The following TIMM44 variants were observed in gnomAD, a reference collection of about 807,000 sequenced individuals.
The protein encoded by TIMM44 is translocase of inner mitochondrial membrane 44.
A neutral mutation model predicts 63.8 loss-of-function variants in TIMM44; 37 were observed. That is an observed-to-expected ratio of 0.58 (90% CI 0.45 to 0.76). The LOEUF (loss-of-function observed/expected upper bound fraction) is 0.76, where lower values mean the gene tolerates loss of function less well. Among genes scored for constraint, TIMM44 ranks in the 30% least tolerant of loss-of-function variants. The pLI is 0.00. For missense variants in TIMM44, 573 were observed against 603.8 expected (o/e 0.95, Z 0.54); for synonymous variants, 239 against 245.1 (o/e 0.98, Z 0.23).
At chr19:7,935,558 C>T (rs983235428) in intron 3 of TIMM44, among the ~76,000 whole-genome samples, 1 of 152,232 alleles carries the variant, frequency 6.6e-6, no homozygotes, top group Non-Finnish European at 1.5e-5. Context: ...GCAGCCCCTC[C>T]CTCCCCGCAC....
At chr19:7,938,312 T>C in intron 2 of TIMM44, 115 bp from the exon 3 acceptor site, 1 of 755,894 alleles carries the variant, frequency 1.3e-6, no homozygotes, top group South Asian at 1.8e-5. Flanking sequence ...TTGATATACA[T>C]TTAATGATGA....
intron 1 of TIMM44, among the ~76,000 whole-genome samples, chr19:7,941,892 T>C (rs1984322155): frequency 6.6e-6 from 1 of 152,154 alleles, no homozygotes; most frequent in African/African-American, 2.4e-5. Flanking sequence ...TCTGCCAGCC[T>C]CCAAAGATGA....
In TIMM44 at chr19:7,932,767, C is replaced by A. The variant is rs200323731; in HGVS notation, c.863-16G>T. On this transcript the variant is annotated splice_polypyrimidine_tract_variant and intron_variant, in intron 8 of 12. Transcript: ENST00000270538. ...AACAGGCCCCCTGCAGGGAGCAGAG[C>A]CGGGAGTTCGGGGGGAAGGCCGGGG... 3.1e-6 allele frequency: 5 copies of A among 1,614,072 alleles called. No homozygotes were observed. Among genetic ancestry groups the A allele is most frequent in the East Asian group, 2.2e-5 (1 of 44,886 alleles).
chr19:7,943,659 A>T lies in TIMM44; in HGVS notation c.-8T>A, dbSNP rs1210975954. The T allele has an allele frequency of 6.4e-7, 1 of 1,561,650 alleles. No individual in the cohort carries two copies. The highest frequency in any genetic ancestry group is 1.8e-5 in the Admixed American group (1 of 54,748). ...CAGGGCCGCCGCCGCCATGTTGGAG[A>T]ATCGTGTGACCTTCTCGCGGCGCGG... On this transcript the variant is annotated 5_prime_UTR_variant, in exon 1 of 13. Coordinates refer to ENST00000270538, the MANE Select transcript of TIMM44 (RefSeq NM_006351.4). The surrounding 1 kb of genome is among the most constrained non-coding windows in gnomAD (Gnocchi z 4.3).
chr19:7,930,436 G>A (rs1255493524), intron 10 of TIMM44, among the ~76,000 whole-genome samples: 1 of 150,816 alleles, frequency 6.6e-6, no homozygotes, highest in Non-Finnish European at 1.5e-5. Context: ...AGCCTCCCCA[G>A]TAGCTGGGAT....
In TIMM44 at chr19:7,934,063, A is replaced by G; in HGVS notation, c.543+26T>C. On this transcript the variant is annotated intron_variant, in intron 5 of 12. Coordinates refer to ENST00000270538, the MANE Select transcript of TIMM44 (RefSeq NM_006351.4). The surrounding 1 kb of genome is among the most constrained non-coding windows in gnomAD (Gnocchi z 5.3). ...TCTGGGTTCGGCCGCCCCAGGCTGC[A>G]TGCCCTAGCCCAGGACTGGGCTCAC... 1 of 1,613,286 alleles carries G rather than the reference A, an allele frequency of 6.2e-7. No homozygotes were observed. Among genetic ancestry groups the G allele is most frequent in the East Asian group, 2.2e-5 (1 of 44,856 alleles).
rs977502918 is a variant in TIMM44, at chr19:7,934,754, C to T, written c.393+311G>A. On this transcript the variant is annotated intron_variant, in intron 4 of 12. Transcript: ENST00000270538. The surrounding 1 kb of genome is among the most constrained non-coding windows in gnomAD (Gnocchi z 5.3). ...GAATCCTGCCTCCCGCCTCTACCCT[C>T]GGGAGGGGGTGGAAGCGGCCCCTCT... 6.6e-6 allele frequency among the ~76,000 whole-genome samples: 1 copy of T among 152,180 alleles called. No individual in the cohort carries two copies. Among genetic ancestry groups the T allele is most frequent in the Admixed American group, 6.5e-5 (1 of 15,280 alleles).
chr19:7,931,146 A>G lies in TIMM44; in HGVS notation c.1030T>C (p.Tyr344His), dbSNP rs1279995743. 13 of 1,613,722 alleles carry G rather than the reference A, an allele frequency of 8.1e-6. No homozygotes were observed. Among genetic ancestry groups the G allele is most frequent in the Non-Finnish European group, 1.1e-5 (13 of 1,179,898 alleles). The change falls in exon 10 of 13, where the codon TAT becomes CAT. Residue 344 changes from tyrosine to histidine, a missense_variant. By Grantham distance (83) the Tyr-to-His change is moderately conservative. Transcript: ENST00000270538. ...AGAAAGGAAGTACTCACAGCTTCAT[A>G]GCACCAGTCTTTGAGAATGTCAAGC... is the stretch of plus-strand genomic sequence containing the variant. ...GELDILKDWC[Y>H]EATYSQLAHP... is the part of the protein sequence containing the mutation.
intron 10 of TIMM44, among the ~76,000 whole-genome samples, chr19:7,930,333 G>T (rs1599646672): frequency 8.6e-6 from 1 of 116,098 alleles, no homozygotes; most frequent in African/African-American, 3.4e-5. Flanking sequence ...TTTGGAGACA[G>T]AATCTTGCTC....
intron 1 of TIMM44, among the ~76,000 whole-genome samples, chr19:7,941,479 G>T (rs575264233): frequency 2.4e-4 from 37 of 151,862 alleles, no homozygotes; most frequent in Non-Finnish European, 4.3e-4. Flanking sequence ...GGAGAGAAGC[G>T]GTTTTGCCAT....
chr19:7,939,146 T>C (rs1470637927), intron 2 of TIMM44, among the ~76,000 whole-genome samples: 1 of 151,996 alleles, frequency 6.6e-6, no homozygotes, highest in Non-Finnish European at 1.5e-5. Context: ...ATGCATTTAT[T>C]AATAATAATG....
At chr19:7,931,111 A>C (rs1983969549) in intron 10 of TIMM44, 27 bp downstream of exon 10, 1 of 1,608,388 alleles carries the variant, frequency 6.2e-7, no homozygotes, top group Non-Finnish European at 8.5e-7. Flanking sequence ...TTAAAAAAAA[A>C]AAAAGAAAAA....
Position 7,933,601 on chromosome 19 carries a change from G to A in TIMM44, c.684-31C>T, listed in dbSNP as rs367880096. Reference sequence around the variant, plus strand: ...GAAGAGGGTGGGCCCTGGGGTGAGCGGCGGCGCCAGGGCCACCCTGTGCCC... The same window carrying A: ...GAAGAGGGTGGGCCCTGGGGTGAGCAGCGGCGCCAGGGCCACCCTGTGCCC... On this transcript the variant is annotated intron_variant, in intron 6 of 12. Transcript: ENST00000270538. The surrounding 1 kb of genome is among the most constrained non-coding windows in gnomAD (Gnocchi z 4.3). 68 of 1,592,300 alleles carry A rather than the reference G, an allele frequency of 4.3e-5. No individual in the cohort carries two copies. The highest frequency in any genetic ancestry group is 3.4e-4 in the East Asian group (15 of 44,716).
At position 7,940,560 on chromosome 19, in the gene TIMM44, C is replaced by T. The variant is rs540096393; in HGVS notation, c.141+542G>A. 4.6e-5 allele frequency among the ~76,000 whole-genome samples: 7 copies of T among 152,106 alleles called. No individual in the cohort carries two copies. In the East Asian group the frequency reaches 1.4e-3, roughly 30 times the overall value. On this transcript the variant is annotated intron_variant, in intron 2 of 12. Transcript: ENST00000270538. ...GAGGCAGCTGAGCTGAGGCTCTGGG[C>T]GCAGAGAGAGAGGGAGACAGAATGT...
chr19:7,927,478 G>T, intron 12 of TIMM44, 172 bp from the exon 13 acceptor site: 1 of 1,032,308 alleles, frequency 9.7e-7, no homozygotes, highest in Non-Finnish European at 1.5e-6. Flanking sequence ...GGTAAAAACA[G>T]ACAGGTCTGC....
At chr19:7,942,434 T>TGG (rs59752555) in intron 1 of TIMM44, among the ~76,000 whole-genome samples, 1 of 150,370 alleles carries the variant, frequency 6.7e-6, no homozygotes, top group African/African-American at 2.5e-5. Flanking sequence ...CATAAAAAAT[T>TGG]GGGGGAAAAA....
In TIMM44 at chr19:7,938,259, CCA is replaced by C. The variant is rs1984212582; in HGVS notation, c.142-64_142-63del. The C allele has an allele frequency of 5.1e-6, 7 of 1,363,202 alleles. 1 individual carries two copies. The highest frequency in any genetic ancestry group is 6.1e-6 in the Non-Finnish European group (6 of 989,760). 84.4% of individuals were successfully genotyped at this position (1,363,202 alleles called of 1,614,324 possible). ...ATAGTAGAACATAGAATGAAATGCC[CCA>C]CAGAGGGACTCAGGGATTTTTTTAA... On this transcript the variant is annotated intron_variant, in intron 2 of 12. Coordinates refer to ENST00000270538, the MANE Select transcript of TIMM44 (RefSeq NM_006351.4).
At chr19:7,941,707 G>A (rs1028516485) in intron 1 of TIMM44, among the ~76,000 whole-genome samples, 3 of 151,922 alleles carry the variant, frequency 2.0e-5, no homozygotes, top group Non-Finnish European at 2.9e-5. Context: ...GTACCTCCAG[G>A]GCCTACATCT....
rs1010348106 is a variant in TIMM44, at chr19:7,933,371, C to T, written c.769+114G>A. The stretch of plus-strand genomic sequence containing the variant: ...AGAAGTGACCGGCCCACTCTGACCC[C>T]GATCTCCTCCTCTGCAAAACGGGGC... On this transcript the variant is annotated intron_variant, in intron 7 of 12. Transcript: ENST00000270538. The surrounding 1 kb of genome is among the most constrained non-coding windows in gnomAD (Gnocchi z 4.3). 10 of 960,808 alleles carry T rather than the reference C, an allele frequency of 1.0e-5. No individual in the cohort carries two copies. Among genetic ancestry groups the T allele is most frequent in the Admixed American group, 3.4e-5 (2 of 59,206 alleles). The allele number at this position is 960,808 out of a possible 1,614,324, so 59.5% of individuals were successfully genotyped here.
Sources: gnomAD v4.1 joint callset for allele counts (sites outside exome capture counted in the v4.1 genomes callset) on GRCh38, gnomAD v4.1.1 for gene constraint, Gnocchi (gnomAD v3.1) non-coding constraint, MANE v1.5 for transcripts, NCBI Gene and HGNC (gene_info 2026-07-23, HGNC 2026-07-21) for gene names.